STON2: variants seen among roughly 807,000 people sequenced by gnomAD.
STON2 encodes the protein stonin 2, also known as stonin-2.
A neutral mutation model predicts 65.7 loss-of-function variants in STON2; 29 were observed. The ratio of observed to expected loss-of-function variants is 0.44; its 90% confidence interval spans 0.33 to 0.60. The LOEUF is 0.60. STON2 is among the 20% of genes least tolerant of loss of function. The pLI is 0.03. For missense variants in STON2, 1,054 were observed against 1,118.1 expected (o/e 0.94, Z 0.82); for synonymous variants, 404 against 414.2 (o/e 0.98, Z 0.30).
chr14:81,304,559 C>CA (rs374526195), intron 5 of STON2, among the ~76,000 whole-genome samples: 30 of 152,162 alleles, frequency 2.0e-4, no homozygotes, highest in African/African-American at 7.0e-4. Context: ...CCTGTCTCCA[C>CA]AAAAAATATC....
chr14:81,370,698 T>C (rs977694386), intron 4 of STON2, among the ~76,000 whole-genome samples: 5 of 152,212 alleles, frequency 3.3e-5, no homozygotes, highest in Admixed American at 1.3e-4. Flanking sequence ...AGAAAATAAA[T>C]TGACAGAGAA....
chr14:81,342,718 T>C (rs1897659920), intron 4 of STON2, among the ~76,000 whole-genome samples: 1 of 152,168 alleles, frequency 6.6e-6, no homozygotes, highest in Admixed American at 6.5e-5. Context: ...AGCCAGGGTC[T>C]GCCTAGGTAG....
intron 4 of STON2, among the ~76,000 whole-genome samples, chr14:81,354,833 A>G (rs1030198960): frequency 1.3e-5 from 2 of 152,116 alleles, no homozygotes; most frequent in Non-Finnish European, 2.9e-5. Context: ...CCTGGGCAAC[A>G]TGGTGAAGCC....
intron 3 of STON2, among the ~76,000 whole-genome samples, chr14:81,379,619 A>G (rs1899418200): frequency 6.6e-6 from 1 of 152,212 alleles, no homozygotes; most frequent in Admixed American, 6.5e-5. Flanking sequence ...ACAATAATTA[A>G]AACTGCATGG....
Position 81,267,159 on chromosome 14 carries a change from A to G in STON2, c.*1255T>C. On this transcript the variant is annotated 3_prime_UTR_variant, in exon 8 of 8. Coordinates refer to ENST00000614646, the MANE Select transcript of STON2 (RefSeq NM_001394390.1). ...GGGAGAAAACACTAAGATACAAATAAGAAGCAGAGGTGAGTAGGAACGGAT... is the reference window on the plus strand; with the variant it reads ...GGGAGAAAACACTAAGATACAAATAGGAAGCAGAGGTGAGTAGGAACGGAT... The G allele has an allele frequency of 3.0e-6, 3 of 985,428 alleles. No homozygotes were observed. Among genetic ancestry groups the G allele is most frequent in the Non-Finnish European group, 3.6e-6 (3 of 829,928 alleles). The allele number at this position is 985,428 out of a possible 1,614,324, so 61.0% of individuals were successfully genotyped here. A position where few individuals can be genotyped will look rare whatever the true frequency, so the allele number is the denominator to read the frequency against.
intron 5 of STON2, among the ~76,000 whole-genome samples, chr14:81,283,780 C>T (rs1271265393): frequency 6.6e-6 from 1 of 152,136 alleles, no homozygotes; most frequent in African/African-American, 2.4e-5. Flanking sequence ...CCGCCCGCCT[C>T]GGCCTCCCAG....
At chr14:81,398,974 G>T (rs1019703748) in intron 1 of STON2, among the ~76,000 whole-genome samples, 7 of 152,098 alleles carry the variant, frequency 4.6e-5, no homozygotes, top group African/African-American at 1.7e-4. Flanking sequence ...TATTAAATTA[G>T]TCCAGTTTCT....
At chr14:81,357,866 C>T (rs1296246051) in intron 4 of STON2, among the ~76,000 whole-genome samples, 2 of 127,238 alleles carry the variant, frequency 1.6e-5, no homozygotes, top group Non-Finnish European at 3.1e-5. Flanking sequence ...GGAAGGGGAA[C>T]ATCACACTCT....
chr14:81,312,403 T>C (rs550817908), intron 5 of STON2, among the ~76,000 whole-genome samples: 1 of 152,330 alleles, frequency 6.6e-6, no homozygotes, highest in African/African-American at 2.4e-5. Flanking sequence ...ACACCTGTCT[T>C]CAAGGTAACG....
intron 5 of STON2, among the ~76,000 whole-genome samples, chr14:81,305,345 G>A (rs999893473): frequency 1.3e-5 from 2 of 152,118 alleles, no homozygotes; most frequent in Non-Finnish European, 2.9e-5. Context: ...ATGTGTTCTG[G>A]TTGTTCTACA....
chr14:81,395,652 C>G (rs1412990829), intron 3 of STON2: 1 of 490,320 alleles, frequency 2.0e-6, no homozygotes, highest in African/African-American at 1.9e-5. Context: ...AAGTCAACAG[C>G]CAGGGACAAG....
chr14:81,317,828 C>T (rs185184381), intron 5 of STON2, among the ~76,000 whole-genome samples: 1 of 152,310 alleles, frequency 6.6e-6, no homozygotes, highest in Admixed American at 6.5e-5. Flanking sequence ...AGCCCAGTAA[C>T]CCATAATCTT....
At chr14:81,325,198 A>G (rs1158985501) in intron 4 of STON2, among the ~76,000 whole-genome samples, 1 of 152,122 alleles carries the variant, frequency 6.6e-6, no homozygotes, top group Admixed American at 6.5e-5. Flanking sequence ...AAGTTTTATA[A>G]CTTTTCCAAA....
chr14:81,384,737 A>G (rs1487538529), intron 3 of STON2, among the ~76,000 whole-genome samples: 1 of 152,200 alleles, frequency 6.6e-6, no homozygotes, highest in Non-Finnish European at 1.5e-5. Context: ...GTCAGCTAAT[A>G]CAGTATTTTT....
chr14:81,411,476 G>T (rs1901155511), intron 2 of STON2, among the ~76,000 whole-genome samples: 1 of 152,244 alleles, frequency 6.6e-6, no homozygotes, highest in Non-Finnish European at 1.5e-5. Context: ...GGAGGCCAAG[G>T]CAGGTGGATC....
intron 5 of STON2, among the ~76,000 whole-genome samples, chr14:81,302,580 A>G (rs555998720): frequency 6.6e-6 from 1 of 152,392 alleles, no homozygotes; most frequent in Admixed American, 6.5e-5. Context: ...GTCAGAATCC[A>G]TAGTGGCAAC....
At chr14:81,273,736 A>G (rs1400375984) in intron 6 of STON2, among the ~76,000 whole-genome samples, 2 of 152,162 alleles carry the variant, frequency 1.3e-5, no homozygotes, top group Non-Finnish European at 2.9e-5. Context: ...TAGGGATGCC[A>G]GCAACACAAG....
At chr14:81,352,533 C>T (rs1280246309) in intron 4 of STON2, among the ~76,000 whole-genome samples, 4 of 152,130 alleles carry the variant, frequency 2.6e-5, no homozygotes, top group Admixed American at 1.3e-4. Flanking sequence ...ATACTCTCCC[C>T]TACAGGATTG....
intron 6 of STON2, among the ~76,000 whole-genome samples, chr14:81,273,638 T>C (rs975918448): frequency 2.6e-5 from 4 of 151,858 alleles, no homozygotes; most frequent in Non-Finnish European, 5.9e-5. Context: ...CAGGCTGGGC[T>C]GGGCCCCGCC....
Sources: allele counts gnomAD v4.1 joint callset (sites outside exome capture counted in the v4.1 genomes callset), GRCh38; gene constraint gnomAD v4.1.1; transcripts MANE v1.5; gene names NCBI Gene and HGNC (gene_info 2026-07-23, HGNC 2026-07-21).